Variants in VDR observed in about 807,000 individuals in gnomAD.
The protein encoded by VDR is vitamin D receptor.
Under a neutral mutation model 39.7 loss-of-function variants are expected in VDR, and 19 were observed. The ratio of observed to expected loss-of-function variants is 0.48; its 90% confidence interval spans 0.33 to 0.70. The LOEUF (loss-of-function observed/expected upper bound fraction) is 0.70, where lower values mean the gene tolerates loss of function less well. Ranked by LOEUF, VDR falls within the 30% of genes least tolerant of loss-of-function variation. The probability of loss-of-function intolerance (pLI) is 0.02; values close to 1 mark genes in which losing one functional copy is unlikely to be tolerated. For synonymous variants in VDR, 242 were observed against 215.8 expected (o/e 1.12, Z -1.07); for missense variants, 442 against 570.5 (o/e 0.77, Z 2.29).
At chr12:47,846,110 A>G (rs1357916305) in intron 9 of VDR, among the ~76,000 whole-genome samples, 1 of 152,106 alleles carries the variant, frequency 6.6e-6, no homozygotes, top group Non-Finnish European at 1.5e-5. Context: ...AATCCCCCCT[A>G]CGAATCGCCT....
At chr12:47,881,646 G>A (rs1946152792) in intron 2 of VDR, among the ~76,000 whole-genome samples, 1 of 152,076 alleles carries the variant, frequency 6.6e-6, no homozygotes. Flanking sequence ...CTACATCTAT[G>A]TTTTGTATAT....
chr12:47,897,286 T>C (rs140718673), intron 1 of VDR, among the ~76,000 whole-genome samples: 241 of 152,358 alleles, frequency 1.6e-3, no homozygotes, highest in African/African-American at 5.5e-3. Flanking sequence ...TAACCATTGG[T>C]TATTATGATT....
intron 2 of VDR, 129 bp from the exon 3 acceptor site, chr12:47,879,244 G>T: frequency 8.6e-7 from 1 of 1,158,076 alleles, no homozygotes; most frequent in Non-Finnish European, 1.2e-6. Context: ...AGCTCAGCAA[G>T]GGTGGGCATC....
At chr12:47,864,649 C>T (rs1054647882) in intron 4 of VDR, among the ~76,000 whole-genome samples, 4 of 152,226 alleles carry the variant, frequency 2.6e-5, no homozygotes, top group Non-Finnish European at 5.9e-5. Flanking sequence ...CCTGGGGGTC[C>T]TTGAACCTCA....
chr12:47,869,278 T>C (rs1484594636), intron 3 of VDR, among the ~76,000 whole-genome samples: 1 of 152,128 alleles, frequency 6.6e-6, no homozygotes, highest in Non-Finnish European at 1.5e-5. Context: ...GGCTCACACC[T>C]GTAATCCCAG....
At position 47,846,347 on chromosome 12, in the gene VDR, T is replaced by A; in HGVS notation, c.1012A>T (p.Ile338Phe). 6.2e-7 allele frequency: 1 copy of A among 1,607,648 alleles called. No individual in the cohort carries two copies. ...EEHVLLMAICIVSPDRPGVQD... is the reference protein window; with the variant it reads ...EEHVLLMAICFVSPDRPGVQD... ...CCTGGCCCCATACCTGGGGAGACGA[T>A]GCAGATGGCCATGAGCAGGACATGC... Residue 338 changes from isoleucine to phenylalanine, a missense_variant, in exon 9 of 10, where the codon ATC becomes TTC. Physicochemically the swap from Ile to Phe is conservative, Grantham distance 21 (BLOSUM62 0). Transcript: ENST00000549336.
Position 47,857,014 on chromosome 12 carries a change from T to C in VDR, c.583+115A>G, listed in dbSNP as rs1485971625. 9 of 1,519,816 alleles carry C rather than the reference T, an allele frequency of 5.9e-6. No homozygotes were observed. The Admixed American group carries it at 1.5e-4, about 26-fold the overall frequency. The allele number at this position is 1,519,816 out of a possible 1,614,324, so 94.1% of individuals were successfully genotyped here. On this transcript the variant is annotated intron_variant, in intron 6 of 9. Transcript: ENST00000549336. ...GACGCTGCATAGCGCACAGTATTTA[T>C]GTAAGTTTCCATTAGGGAGCCTTCC...
At chr12:47,896,231 T>G (rs1227138756) in intron 1 of VDR, among the ~76,000 whole-genome samples, 3 of 152,266 alleles carry the variant, frequency 2.0e-5, no homozygotes, top group Non-Finnish European at 2.9e-5. Flanking sequence ...TTAGTGCTTA[T>G]TATTGCGCAC....
At chr12:47,847,600 T>C (rs1303778609) in intron 7 of VDR, among the ~76,000 whole-genome samples, 1 of 151,932 alleles carries the variant, frequency 6.6e-6, no homozygotes, top group Non-Finnish European at 1.5e-5. Context: ...TGTGACAGGA[T>C]CTCACTCTGT....
intron 1 of VDR, among the ~76,000 whole-genome samples, chr12:47,883,869 A>G (rs1946206585): frequency 6.6e-6 from 1 of 152,202 alleles, no homozygotes; most frequent in South Asian, 2.1e-4. Flanking sequence ...CACCCCCTCC[A>G]GTACTGCCAG....
chr12:47,880,881 A>G (rs1026361963), intron 2 of VDR, among the ~76,000 whole-genome samples: 27 of 146,572 alleles, frequency 1.8e-4, no homozygotes, highest in African/African-American at 6.2e-4. Context: ...ATATATTAAT[A>G]TATATTAAAT....
intron 3 of VDR, among the ~76,000 whole-genome samples, chr12:47,877,674 G>A (rs546807134): frequency 6.6e-6 from 1 of 152,252 alleles, no homozygotes; most frequent in Admixed American, 6.5e-5. Flanking sequence ...GGCAGGAAAG[G>A]GTCCATGTGT....
intron 4 of VDR, among the ~76,000 whole-genome samples, chr12:47,863,898 C>T (rs535686352): frequency 1.1e-4 from 17 of 152,170 alleles, no homozygotes; most frequent in African/African-American, 2.4e-4. Context: ...TTCCCATTAA[C>T]GGAGAAATTT....
At chr12:47,902,229 A>G (rs1483836669) in intron 1 of VDR, among the ~76,000 whole-genome samples, 1 of 152,230 alleles carries the variant, frequency 6.6e-6, no homozygotes, top group Non-Finnish European at 1.5e-5. Context: ...TTTGCAAGAT[A>G]CATTACACAG....
In VDR at chr12:47,844,691, G is replaced by A; in HGVS notation, c.*55C>T. Reference sequence around the variant, plus strand: ...CTGAGTAGCCGCCAGCCCCGGGCCTGGCACGTGGCCCTGGAGGAGCAGCCC... The same window carrying A: ...CTGAGTAGCCGCCAGCCCCGGGCCTAGCACGTGGCCCTGGAGGAGCAGCCC... On this transcript the variant is annotated 3_prime_UTR_variant, in exon 10 of 10. Transcript: ENST00000549336. 1 of 1,610,982 alleles carries A rather than the reference G, an allele frequency of 6.2e-7. No individual in the cohort carries two copies. The highest frequency in any genetic ancestry group is 8.5e-7 in the Non-Finnish European group (1 of 1,179,130).
At chr12:47,878,365 T>A (rs932543842) in intron 3 of VDR, among the ~76,000 whole-genome samples, 12 of 152,120 alleles carry the variant, frequency 7.9e-5, no homozygotes, top group African/African-American at 2.9e-4. Flanking sequence ...CCTGGGCTCA[T>A]GTAAGGGGAG....
intron 3 of VDR, among the ~76,000 whole-genome samples, chr12:47,878,175 CAGA>C (rs1414098732): frequency 2.6e-5 from 4 of 152,230 alleles, no homozygotes; most frequent in African/African-American, 9.6e-5. Flanking sequence ...GACCGCTAGA[CAGA>C]AGATCTGTTT....
At chr12:47,867,018 A>AAAAC (rs556897652) in intron 3 of VDR, among the ~76,000 whole-genome samples, 5 of 151,388 alleles carry the variant, frequency 3.3e-5, no homozygotes, top group Admixed American at 2.0e-4. Context: ...AAAACAAAAC[A>AAAAC]AAAAAAACCC....
At chr12:47,881,092 G>A (rs1946140689) in intron 2 of VDR, among the ~76,000 whole-genome samples, 1 of 98,994 alleles carries the variant, frequency 1.0e-5, no homozygotes, top group African/African-American at 4.4e-5. Context: ...TACAGTATAT[G>A]TGTGTGTGTG....
Sources: allele counts gnomAD v4.1 joint callset (sites outside exome capture counted in the v4.1 genomes callset), GRCh38; gene constraint gnomAD v4.1.1; transcripts MANE v1.5; gene names NCBI Gene and HGNC (gene_info 2026-07-23, HGNC 2026-07-21).